The following KIF6 variants were observed in gnomAD, a reference collection of about 807,000 sequenced individuals.
KIF6 encodes kinesin family member 6.
Under a neutral mutation model 112.7 loss-of-function variants are expected in KIF6, and 106 were observed. The ratio of observed to expected loss-of-function variants is 0.94; its 90% CI spans 0.80 to 1.11. KIF6 has a LOEUF of 1.11. Ranked by LOEUF, KIF6 falls within the 50% of genes least tolerant of loss-of-function variation. The pLI is 0.00. For missense variants in KIF6, 929 were observed against 964.0 expected, an observed-to-expected ratio of 0.96 and a Z score of 0.48; for synonymous variants, 339 against 339.9, an observed-to-expected ratio of 1.00 and a Z score of 0.03.
chr6:39,360,624 TC>T, intron 17 of KIF6, 94 bp from the exon 18 acceptor site: 1 of 1,454,928 alleles, frequency 6.9e-7, no homozygotes, highest in Non-Finnish European at 9.5e-7. Context: ...TGCCTCAGAA[TC>T]CCGTCAGAGC....
chr6:39,492,859 T>G (rs1775551487), intron 13 of KIF6, among the ~76,000 whole-genome samples: 1 of 152,220 alleles, frequency 6.6e-6, no homozygotes, highest in Non-Finnish European at 1.5e-5. Flanking sequence ...AAGCTCTTGA[T>G]TTTTATAGAA....
intron 15 of KIF6, among the ~76,000 whole-genome samples, chr6:39,399,225 G>A (rs1341081182): frequency 6.6e-6 from 1 of 152,204 alleles, no homozygotes; most frequent in Non-Finnish European, 1.5e-5. Flanking sequence ...GACTAATACA[G>A]ATGATGTGGA....
chr6:39,676,529 G>A (rs1459414000), intron 3 of KIF6, among the ~76,000 whole-genome samples: 1 of 152,036 alleles, frequency 6.6e-6, no homozygotes, highest in Non-Finnish European at 1.5e-5. Flanking sequence ...AGGATAACAC[G>A]GGGAATAAGC....
chr6:39,345,612 G>A (rs1763644033), intron 21 of KIF6, 88 bp downstream of exon 21: 1 of 1,079,566 alleles, frequency 9.3e-7, no homozygotes, highest in South Asian at 1.5e-5. Flanking sequence ...ACTGGACGAG[G>A]GGCTTTTTCG....
chr6:39,548,807 C>T (rs187700234), intron 10 of KIF6, among the ~76,000 whole-genome samples: 3 of 152,254 alleles, frequency 2.0e-5, no homozygotes, highest in African/African-American at 7.2e-5. Flanking sequence ...AGAAAAGTCT[C>T]GCTAAGGAGG....
chr6:39,343,883 T>TGGAAAA lies in KIF6; in HGVS notation c.2322-69_2322-68insTTTTCC. The TGGAAAA allele has an allele frequency of 1.1e-6, 1 of 935,524 alleles. No homozygotes were observed. Among genetic ancestry groups the TGGAAAA allele is most frequent in the Non-Finnish European group, 1.6e-6 (1 of 619,122 alleles). The allele number at this position is 935,524 out of a possible 1,614,324, so 58.0% of individuals were successfully genotyped here. On this transcript the variant is annotated intron_variant, in intron 21 of 22. Coordinates refer to ENST00000287152, the MANE Select transcript of KIF6 (RefSeq NM_145027.6). The surrounding 1 kb of genome is among the most constrained non-coding windows in gnomAD (Gnocchi z 4.1). Reference sequence around the variant, plus strand: ...GGACTCACCACTTATATTTCCAAAATGCTTTTCCATTTTAGGTGACTGATC... The same window carrying TGGAAAA: ...GGACTCACCACTTATATTTCCAAAATGGAAAAGCTTTTCCATTTTAGGTGACTGATC...
At chr6:39,398,031 C>T (rs1309851368) in intron 15 of KIF6, among the ~76,000 whole-genome samples, 2 of 152,080 alleles carry the variant, frequency 1.3e-5, no homozygotes, top group Non-Finnish European at 2.9e-5. Flanking sequence ...TTTTCTGCGT[C>T]CAAGGGATAG....
chr6:39,418,164 T>G lies in KIF6; in HGVS notation c.1810+1784A>C, dbSNP rs374001085. Among the ~76,000 whole-genome samples the G allele has an allele frequency of 3.9e-5, 6 of 152,338 alleles. No individual in the cohort carries two copies. The East Asian group carries it at 7.7e-4, about 20-fold the overall frequency. ...GGCCCTCTGAGAATCAGATGAGCTA[T>G]GGATGGACATAATCTTCAGAAAAAT... On this transcript the variant is annotated intron_variant, in intron 15 of 22. Coordinates refer to ENST00000287152, the MANE Select transcript of KIF6 (RefSeq NM_145027.6).
At chr6:39,545,531 C>A (rs999734855) in intron 11 of KIF6, 52 bp downstream of exon 11, 7 of 1,387,482 alleles carry the variant, frequency 5.0e-6, no homozygotes, top group Non-Finnish European at 7.1e-6. Flanking sequence ...AGTTTTTTTG[C>A]AGCTTGAACA....
intron 22 of KIF6, among the ~76,000 whole-genome samples, chr6:39,337,857 A>G (rs1461398832): frequency 1.3e-5 from 2 of 152,126 alleles, no homozygotes; most frequent in African/African-American, 4.8e-5. Flanking sequence ...TGGGCCTAAC[A>G]TTTCTCTTTG....
chr6:39,416,067 T>A (rs1406858866), intron 15 of KIF6, among the ~76,000 whole-genome samples: 1 of 152,008 alleles, frequency 6.6e-6, no homozygotes, highest in Non-Finnish European at 1.5e-5. Flanking sequence ...CCTGGAGGGG[T>A]CTGTGGAGGG....
intron 13 of KIF6, among the ~76,000 whole-genome samples, chr6:39,517,855 G>A (rs182233984): frequency 2.0e-5 from 3 of 152,200 alleles, no homozygotes; most frequent in Non-Finnish European, 1.5e-5. Flanking sequence ...CTATCTCCTC[G>A]TAGGACATTA....
intron 6 of KIF6, among the ~76,000 whole-genome samples, chr6:39,602,980 A>G (rs975499486): frequency 6.6e-5 from 10 of 152,210 alleles, no homozygotes; most frequent in African/African-American, 2.4e-4. Context: ...ATTAATATCC[A>G]AACCCTGGAA....
intron 20 of KIF6, among the ~76,000 whole-genome samples, chr6:39,346,088 C>CCTCT (rs1562112910): frequency 2.9e-5 from 1 of 34,486 alleles, no homozygotes; most frequent in Non-Finnish European, 5.1e-5. Context: ...CTCTCTCTCC[C>CCTCT]CCCCCTCTCC....
At chr6:39,346,787 A>ACTTGGCATC (rs2113917828) in intron 19 of KIF6, among the ~76,000 whole-genome samples, 1 of 152,278 alleles carries the variant, frequency 6.6e-6, no homozygotes, top group African/African-American at 2.4e-5. Flanking sequence ...AGCTGGGATT[A>ACTTGGCATC]CAAGCATGCA....
At chr6:39,546,670 A>G (rs1039125745) in intron 10 of KIF6, among the ~76,000 whole-genome samples, 5 of 152,122 alleles carry the variant, frequency 3.3e-5, no homozygotes, top group African/African-American at 1.2e-4. Flanking sequence ...TTCTAAAAAC[A>G]CAAAAACTAG....
chr6:39,336,623 G>A, intron 22 of KIF6, 75 bp from the exon 23 acceptor site: 1 of 1,396,090 alleles, frequency 7.2e-7, no homozygotes, highest in Non-Finnish European at 1.0e-6. Context: ...GAATCGGGGG[G>A]AGGGGAGGCC....
intron 15 of KIF6, among the ~76,000 whole-genome samples, chr6:39,400,348 C>T (rs1453833686): frequency 6.6e-6 from 1 of 152,230 alleles, no homozygotes. Context: ...ATTCCTAACT[C>T]ATGCCAATCC....
intron 13 of KIF6, among the ~76,000 whole-genome samples, chr6:39,528,590 A>G (rs772950922): frequency 9.2e-5 from 14 of 152,192 alleles, no homozygotes; most frequent in Admixed American, 3.3e-4. Flanking sequence ...ATTCCCACCA[A>G]CAGTGTACAA....
Sources: allele counts gnomAD v4.1 joint callset (sites outside exome capture counted in the v4.1 genomes callset), GRCh38; gene constraint gnomAD v4.1.1; non-coding constraint Gnocchi (gnomAD v3.1); transcripts MANE v1.5; gene names NCBI Gene and HGNC (gene_info 2026-07-23, HGNC 2026-07-21).